Variants in RGS20 observed in about 807,000 individuals in gnomAD.
The protein encoded by RGS20 is regulator of G protein signaling 20.
Under a neutral mutation model 33.6 loss-of-function variants are expected in RGS20, and 30 were observed. The observed-to-expected ratio is 0.89, with a 90% confidence interval of 0.67 to 1.21. RGS20 has a LOEUF of 1.21. Among genes scored for constraint, RGS20 ranks in the 50% most tolerant of loss-of-function variants. The pLI, the probability that RGS20 is intolerant of heterozygous loss-of-function variation, is 0.00. For missense variants in RGS20, 472 were observed against 502.4 expected (o/e 0.94, Z 0.58); for synonymous variants, 208 against 197.9 (o/e 1.05, Z -0.43).
At chr8:53,952,876 G>A (rs187809594) in intron 4 of RGS20, among the ~76,000 whole-genome samples, 7 of 152,252 alleles carry the variant, frequency 4.6e-5, no homozygotes, top group Admixed American at 1.3e-4. Flanking sequence ...ACAGAAGTAA[G>A]AATTAACTCA....
chr8:53,917,801 T>C (rs1813531769), intron 2 of RGS20, among the ~76,000 whole-genome samples: 1 of 152,162 alleles, frequency 6.6e-6, no homozygotes, highest in African/African-American at 2.4e-5. Flanking sequence ...TTAGTATACT[T>C]ACAAAGTTGT....
At chr8:53,931,273 A>G (rs2129288719) in intron 2 of RGS20, among the ~76,000 whole-genome samples, 2 of 151,916 alleles carry the variant, frequency 1.3e-5, no homozygotes, top group East Asian at 3.9e-4. Context: ...AAGACTAATT[A>G]AGGCCAGGTG....
intron 2 of RGS20, among the ~76,000 whole-genome samples, chr8:53,886,854 A>G (rs919441373): frequency 4.6e-5 from 7 of 152,182 alleles, no homozygotes; most frequent in African/African-American, 1.7e-4. Flanking sequence ...CAGCTGTTGA[A>G]TTTTTGCAAC....
In RGS20 at chr8:53,879,312, C is replaced by T. The variant is rs753788412; in HGVS notation, c.220C>T (p.Leu74Phe). 1.9e-6 allele frequency: 3 copies of T among 1,613,466 alleles called. No homozygotes were observed. The highest frequency in any genetic ancestry group is 8.5e-7 in the Non-Finnish European group (1 of 1,179,998). The change falls in exon 2 of 6, where the codon CTC becomes TTC. Residue 74 changes from leucine to phenylalanine, a missense_variant. Leu to Phe is a conservative substitution (Grantham distance 22). Transcript: ENST00000297313. ...GCCCGCCGCCCCGAAGCTGTTCGGC[C>T]TCCTTTCTAGCCCGCTTTCCAGCCT...
chr8:53,866,302 G>A (rs1181877833), intron 1 of RGS20, among the ~76,000 whole-genome samples: 2 of 152,162 alleles, frequency 1.3e-5, no homozygotes, highest in Non-Finnish European at 2.9e-5. Flanking sequence ...TCTATGCCAT[G>A]TGAAGTCACT....
chr8:53,912,812 A>G (rs1308587381), intron 2 of RGS20, among the ~76,000 whole-genome samples: 1 of 152,208 alleles, frequency 6.6e-6, no homozygotes, highest in East Asian at 1.9e-4. Context: ...TATAATTTTT[A>G]TAGGAAAAGT....
intron 2 of RGS20, among the ~76,000 whole-genome samples, chr8:53,930,118 C>T (rs1462578825): frequency 6.6e-6 from 1 of 152,074 alleles, no homozygotes; most frequent in Non-Finnish European, 1.5e-5. Context: ...AGAACAGATA[C>T]CTTAAAAAGG....
rs1563428091 is a variant in RGS20 at position 53,946,761 on chromosome 8, G to A, written c.743+13G>A. The A allele has an allele frequency of 1.9e-6, 3 of 1,606,438 alleles. No homozygotes were observed. The highest frequency in any genetic ancestry group is 1.1e-5 in the South Asian group (1 of 90,406). ...CCTGGGAAGAAAGGTGAAATCACAC[G>A]TTTTTTTTACCTCACTAAACTAACA... On this transcript the variant is annotated intron_variant, in intron 4 of 5. Coordinates refer to ENST00000297313, the MANE Select transcript of RGS20 (RefSeq NM_170587.4).
chr8:53,917,725 C>T (rs1284059817), intron 2 of RGS20, among the ~76,000 whole-genome samples: 2 of 152,186 alleles, frequency 1.3e-5, no homozygotes, highest in African/African-American at 4.8e-5. Flanking sequence ...GCTACTATCA[C>T]ACCACTGCAC....
At chr8:53,876,249 T>C (rs902400344) in intron 1 of RGS20, 1 of 152,248 alleles carries the variant, frequency 6.6e-6, no homozygotes, top group African/African-American at 2.4e-5. Flanking sequence ...AATGCTGCTA[T>C]TTAAGCATGA....
At chr8:53,934,264 A>C (rs1814062650) in intron 2 of RGS20, among the ~76,000 whole-genome samples, 1 of 152,250 alleles carries the variant, frequency 6.6e-6, no homozygotes, top group African/African-American at 2.4e-5. Flanking sequence ...AACAATATTA[A>C]GCTTAAATGT....
At chr8:53,914,246 G>C (rs780035083) in intron 2 of RGS20, among the ~76,000 whole-genome samples, 5 of 152,082 alleles carry the variant, frequency 3.3e-5, no homozygotes, top group Non-Finnish European at 5.9e-5. Flanking sequence ...GCCTGGGCTG[G>C]TCTTGAACTC....
chr8:53,879,549 G>T lies in RGS20; in HGVS notation c.457G>T (p.Val153Leu). Residue 153 changes from valine (V) to leucine (L), a missense_variant, in exon 2 of 6, where the codon GTA becomes TTA. Coordinates refer to ENST00000297313, the MANE Select transcript of RGS20 (RefSeq NM_170587.4). ...TCGTCCGCTGAGGCCCCCCCATCCG[G>T]TAGCCAAGCCCAGGGAAGAAGACGC... 6.5e-7 allele frequency: 1 copy of T among 1,541,984 alleles called. No homozygotes were observed. The highest frequency in any genetic ancestry group is 1.2e-5 in the South Asian group (1 of 83,308).
chr8:53,852,222 C>G (rs1319132757), intron 1 of RGS20, among the ~76,000 whole-genome samples: 1 of 152,192 alleles, frequency 6.6e-6, no homozygotes, highest in Non-Finnish European at 1.5e-5. Flanking sequence ...AATCTAGAAC[C>G]TAGATGATAA....
chr8:53,870,050 T>C (rs1397739958), intron 1 of RGS20, among the ~76,000 whole-genome samples: 1 of 152,150 alleles, frequency 6.6e-6, no homozygotes, highest in Non-Finnish European at 1.5e-5. Context: ...AAGCTGCCAA[T>C]GGCCAAACAT....
intron 2 of RGS20, among the ~76,000 whole-genome samples, chr8:53,915,834 A>G (rs59633885): frequency 0.049 from 7,468 of 152,236 alleles, 486 homozygotes; most frequent in African/African-American, 0.14. Context: ...CCTGGCCTCA[A>G]TCAAGCCTCT....
At chr8:53,882,310 GC>G (rs1812410829) in intron 2 of RGS20, among the ~76,000 whole-genome samples, 1 of 152,132 alleles carries the variant, frequency 6.6e-6, no homozygotes, top group South Asian at 2.1e-4. Flanking sequence ...GGGAGAGGCG[GC>G]GCGCGGGCAC....
chr8:53,955,134 T>C (rs772349188), intron 5 of RGS20, among the ~76,000 whole-genome samples: 1 of 151,394 alleles, frequency 6.6e-6, no homozygotes, highest in Non-Finnish European at 1.5e-5. Flanking sequence ...TTGCAGTTGA[T>C]GTTCTGGGTC....
intron 2 of RGS20, among the ~76,000 whole-genome samples, chr8:53,905,246 T>C (rs1813132849): frequency 6.6e-6 from 1 of 152,152 alleles, no homozygotes; most frequent in Non-Finnish European, 1.5e-5. Context: ...AAAACCCAAA[T>C]AGTCAGACAA....
Sources: allele counts gnomAD v4.1 joint callset (sites outside exome capture counted in the v4.1 genomes callset), GRCh38; gene constraint gnomAD v4.1.1; transcripts MANE v1.5; gene names NCBI Gene and HGNC (gene_info 2026-07-23, HGNC 2026-07-21).